PKNOX2: variants seen among roughly 807,000 people sequenced by gnomAD.
The protein encoded by PKNOX2 is PBX/knotted 1 homeobox 2.
In PKNOX2, 14 loss-of-function variants were observed where a neutral mutation model predicts 53.1. That is an observed-to-expected ratio of 0.26 (90% confidence interval 0.17 to 0.41). The LOEUF is 0.41. PKNOX2 is among the 10% of genes least tolerant of loss of function. The probability of loss-of-function intolerance (pLI) is 1.00; values close to 1 mark genes in which losing one functional copy is unlikely to be tolerated. For missense variants in PKNOX2, 496 were observed against 602.8 expected, an observed-to-expected ratio of 0.82 and a Z score of 1.85; for synonymous variants, 257 against 242.8, an observed-to-expected ratio of 1.06 and a Z score of -0.54.
intron 10 of PKNOX2, among the ~76,000 whole-genome samples, chr11:125,414,271 C>T (rs1320149436): frequency 3.3e-5 from 5 of 152,202 alleles, no homozygotes; most frequent in African/African-American, 1.2e-4. Flanking sequence ...GGGTAGAGGA[C>T]TTGCCGAAAC....
chr11:125,320,908 G>A, intron 2 of PKNOX2, among the ~76,000 whole-genome samples: 1 of 152,220 alleles, frequency 6.6e-6, no homozygotes, highest in East Asian at 1.9e-4. Flanking sequence ...GTTGCAACCT[G>A]TAGTTGCTGT....
chr11:125,315,319 AAAAAAAAAAC>A (rs1301479344), intron 2 of PKNOX2, among the ~76,000 whole-genome samples: 1 of 151,114 alleles, frequency 6.6e-6, no homozygotes, highest in African/African-American at 2.5e-5. Context: ...AAAAAAAAAA[AAAAAAAAAAC>A]ACCTCTCTCT....
intron 1 of PKNOX2, among the ~76,000 whole-genome samples, chr11:125,224,728 C>T (rs557667864): frequency 1.4e-3 from 206 of 152,324 alleles, no homozygotes; most frequent in African/African-American, 4.5e-3. Context: ...GCCACCCCTC[C>T]GCAGAGAATC....
At chr11:125,190,580 G>A (rs980303932) in intron 1 of PKNOX2, among the ~76,000 whole-genome samples, 2 of 152,098 alleles carry the variant, frequency 1.3e-5, no homozygotes, top group Non-Finnish European at 2.9e-5. Flanking sequence ...TTCTGCTTTG[G>A]TCTCCCTCTT....
intron 2 of PKNOX2, among the ~76,000 whole-genome samples, chr11:125,253,710 C>G (rs1944183367): frequency 6.6e-6 from 1 of 152,136 alleles, no homozygotes. Context: ...CAGCACAGAG[C>G]CTGGCACCTA....
chr11:125,264,243 A>G (rs931766742), intron 2 of PKNOX2, among the ~76,000 whole-genome samples: 5 of 152,268 alleles, frequency 3.3e-5, no homozygotes, highest in Admixed American at 2.0e-4. Context: ...CAGGATGGGT[A>G]GAGGCAGAGG....
At chr11:125,299,801 G>T (rs1177181341) in intron 2 of PKNOX2, among the ~76,000 whole-genome samples, 1 of 152,178 alleles carries the variant, frequency 6.6e-6, no homozygotes, top group East Asian at 1.9e-4. Flanking sequence ...CCACCGGGCT[G>T]CTCTGCTTTC....
intron 7 of PKNOX2, among the ~76,000 whole-genome samples, chr11:125,406,923 A>T (rs1396377864): frequency 5.5e-5 from 8 of 145,668 alleles, no homozygotes; most frequent in African/African-American, 1.5e-4. Flanking sequence ...TGTCTAAAAA[A>T]AAAAAAAAAA....
At chr11:125,222,836 G>A (rs1941354069) in intron 1 of PKNOX2, among the ~76,000 whole-genome samples, 1 of 149,700 alleles carries the variant, frequency 6.7e-6, no homozygotes, top group African/African-American at 2.4e-5. Flanking sequence ...GCATCGAAAG[G>A]TGTCTCTGCT....
At chr11:125,260,075 G>T (rs778175569) in intron 2 of PKNOX2, among the ~76,000 whole-genome samples, 4 of 151,654 alleles carry the variant, frequency 2.6e-5, no homozygotes, top group Non-Finnish European at 4.4e-5. Context: ...ATGGGGTCTT[G>T]CTATGTTGCT....
rs1458222222 is a variant in PKNOX2 at position 125,422,840 on chromosome 11, G to A, written c.937-6172G>A. ...AAATAAAACCCATTTGAAAAAATGA[G>A]CGTATTTGTATGCTCACAGAAGGGG... On this transcript the variant is annotated intron_variant, in intron 10 of 12. Transcript: ENST00000298282. The surrounding 1 kb of genome is among the most constrained non-coding windows in gnomAD (Gnocchi z 4.1). Among the ~76,000 whole-genome samples, 3 of 152,162 alleles carry A rather than the reference G, an allele frequency of 2.0e-5. No individual in the cohort carries two copies. Among genetic ancestry groups the A allele is most frequent in the African/African-American group, 4.8e-5 (2 of 41,434 alleles).
intron 2 of PKNOX2, among the ~76,000 whole-genome samples, chr11:125,260,873 G>C (rs983770949): frequency 6.6e-6 from 1 of 152,186 alleles, no homozygotes. Context: ...AACTAGCAAA[G>C]AGGCCTTGTG....
chr11:125,414,530 G>A (rs1210022046), intron 10 of PKNOX2, among the ~76,000 whole-genome samples: 1 of 152,154 alleles, frequency 6.6e-6, no homozygotes, highest in Non-Finnish European at 1.5e-5. Context: ...AGGGAAACAA[G>A]CAGACCCAGC....
At chr11:125,223,376 C>T (rs1366273023) in intron 1 of PKNOX2, among the ~76,000 whole-genome samples, 1 of 152,088 alleles carries the variant, frequency 6.6e-6, no homozygotes, top group African/African-American at 2.4e-5. Context: ...ATTACAGGCA[C>T]CCGCCACCAT....
chr11:125,248,436 A>T (rs577897967), intron 2 of PKNOX2, among the ~76,000 whole-genome samples: 25 of 152,320 alleles, frequency 1.6e-4, no homozygotes, highest in Non-Finnish European at 2.9e-4. Context: ...AAGATGGGCC[A>T]TTGGAATAAG....
At position 125,367,847 on chromosome 11, in the gene PKNOX2, T is replaced by C. The variant is rs1254761632; in HGVS notation, c.89T>C (p.Met30Thr). The change falls in exon 5 of 13, where the codon ATG (methionine) becomes ACG (threonine). Residue 30 changes from methionine (M) to threonine (T), a missense_variant and splice_region_variant. Physicochemically the swap from Met to Thr is moderately conservative, Grantham distance 81. This residue lies in a region of PKNOX2 where 168 missense variants were observed against 178.4 expected (regional missense o/e 0.94). Coordinates refer to ENST00000298282, the MANE Select transcript of PKNOX2 (RefSeq NM_001382323.2). The stretch of plus-strand genomic sequence containing the variant: ...ACCTCCCCTTTCTTCTCTCTGCAGA[T>C]GACGGCAACCGCCCAGCCACCCTCC... ...PPPPYQDSPQ[M>T]TATAQPPSKA... The C allele has an allele frequency of 5.0e-6, 8 of 1,610,896 alleles. No homozygotes were observed. The highest frequency in any genetic ancestry group is 4.5e-5 in the East Asian group (2 of 44,786).
At chr11:125,346,687 C>T (rs531729095) in intron 3 of PKNOX2, among the ~76,000 whole-genome samples, 3 of 151,960 alleles carry the variant, frequency 2.0e-5, no homozygotes, top group Admixed American at 6.5e-5. Context: ...TTGTATGTGT[C>T]GGAGGACAGA....
intron 4 of PKNOX2, among the ~76,000 whole-genome samples, chr11:125,360,701 G>A (rs559844368): frequency 6.6e-6 from 1 of 152,222 alleles, no homozygotes; most frequent in Non-Finnish European, 1.5e-5. Flanking sequence ...GCCCACATGA[G>A]AGAAACAACA....
chr11:125,184,034 G>A (rs556226803), intron 1 of PKNOX2, among the ~76,000 whole-genome samples: 1 of 152,344 alleles, frequency 6.6e-6, no homozygotes, highest in African/African-American at 2.4e-5. Context: ...GGAGATAAAA[G>A]ATGACAAGAT....
Sources: allele counts gnomAD v4.1 joint callset (sites outside exome capture counted in the v4.1 genomes callset), GRCh38; gene constraint gnomAD v4.1.1; regional missense constraint gnomAD v4.1.1; non-coding constraint Gnocchi (gnomAD v3.1); transcripts MANE v1.5; gene names NCBI Gene and HGNC (gene_info 2026-07-23, HGNC 2026-07-21).